The following RILPL1 variants were observed in gnomAD, a reference collection of about 807,000 sequenced individuals.
RILPL1 encodes the protein RILP-like protein 1.
Under a neutral mutation model 50.3 loss-of-function variants are expected in RILPL1, and 33 were observed. That is an observed-to-expected ratio of 0.66 (90% confidence interval 0.50 to 0.88). The LOEUF (loss-of-function observed/expected upper bound fraction) is 0.88. Ranked by LOEUF, RILPL1 falls within the 40% of genes least tolerant of loss-of-function variation. The pLI, the probability that RILPL1 is intolerant of heterozygous loss-of-function variation, is 0.00. For missense variants in RILPL1, 418 were observed against 542.5 expected (o/e 0.77, Z 2.28); for synonymous variants, 205 against 228.6 (o/e 0.90, Z 0.93).
chr12:123,478,296 T>G (rs1485936681), intron 6 of RILPL1, among the ~76,000 whole-genome samples: 1 of 152,044 alleles, frequency 6.6e-6, no homozygotes, highest in Non-Finnish European at 1.5e-5. Flanking sequence ...CCACCGCGCC[T>G]GGCCCTGTCT....
chr12:123,511,117 G>GTA (rs1884131899), intron 2 of RILPL1, among the ~76,000 whole-genome samples: 1 of 61,518 alleles, frequency 1.6e-5, no homozygotes. Flanking sequence ...TGTGTGTGTG[G>GTA]TGTGTGAGGT....
chr12:123,509,759 C>T (rs1019430408), intron 2 of RILPL1, among the ~76,000 whole-genome samples: 1 of 152,212 alleles, frequency 6.6e-6, no homozygotes, highest in Non-Finnish European at 1.5e-5. Flanking sequence ...GGGTCCAGCG[C>T]CCTGCTGCCC....
intron 2 of RILPL1, among the ~76,000 whole-genome samples, chr12:123,505,621 G>C (rs538818041): frequency 6.6e-6 from 1 of 151,918 alleles, no homozygotes; most frequent in East Asian, 1.9e-4. Context: ...CCCGGCCATC[G>C]AGTTTTTGTT....
At chr12:123,506,301 T>A (rs11497308) in intron 2 of RILPL1, among the ~76,000 whole-genome samples, 78,691 of 152,102 alleles carry the variant, frequency 0.52, 22,920 homozygotes, top group East Asian at 0.98. Flanking sequence ...GCAGAGGCCA[T>A]GGGGGTGATG....
chr12:123,507,580 A>C (rs1351327889), intron 2 of RILPL1, among the ~76,000 whole-genome samples: 1 of 147,970 alleles, frequency 6.8e-6, no homozygotes, highest in Non-Finnish European at 1.5e-5. Context: ...AAAAAAAAAG[A>C]TGTATGTGTG....
intron 1 of RILPL1, among the ~76,000 whole-genome samples, chr12:123,531,158 A>G (rs1291296205): frequency 1.3e-5 from 2 of 151,904 alleles, no homozygotes; most frequent in African/African-American, 4.8e-5. Context: ...CATCCCAAGA[A>G]TGTGAAGTAA....
chr12:123,509,700 A>G (rs553617030), intron 2 of RILPL1, among the ~76,000 whole-genome samples: 2 of 152,308 alleles, frequency 1.3e-5, no homozygotes, highest in East Asian at 3.9e-4. Context: ...AGCTCCCTAG[A>G]GAAGTCAGAC....
At chr12:123,482,831 G>T (rs901059305) in intron 6 of RILPL1, among the ~76,000 whole-genome samples, 1 of 151,990 alleles carries the variant, frequency 6.6e-6, no homozygotes, top group Non-Finnish European at 1.5e-5. Context: ...TTGAACTCCT[G>T]AGCTCAAGTG....
intron 4 of RILPL1, among the ~76,000 whole-genome samples, chr12:123,487,535 G>C (rs540464406): frequency 6.6e-6 from 1 of 152,204 alleles, no homozygotes; most frequent in South Asian, 2.1e-4. Context: ...TTGAACTCCC[G>C]TCCTCAGGTG....
chr12:123,485,039 T>G lies in RILPL1; in HGVS notation c.974+594A>C, dbSNP rs1052019332. On this transcript the variant is annotated intron_variant, in intron 5 of 6. Transcript: ENST00000376874. The surrounding 1 kb of genome is among the most constrained non-coding windows in gnomAD (Gnocchi z 4.0). ...TGGTATTATATTTTTTATGCATCTCTTATCTTCCCCACTGGAGCAGGGACC... is the reference window on the plus strand; with the variant it reads ...TGGTATTATATTTTTTATGCATCTCGTATCTTCCCCACTGGAGCAGGGACC... The G allele has an allele frequency of 4.7e-6, 2 of 427,504 alleles. No individual in the cohort carries two copies. The highest frequency in any genetic ancestry group is 4.1e-5 in the African/African-American group (2 of 48,794). 26.5% of individuals were successfully genotyped at this position (427,504 alleles called of 1,614,324 possible). A position where few individuals can be genotyped will look rare whatever the true frequency, so the allele number is the denominator to read the frequency against.
chr12:123,512,442 GGT>G (rs1226080372), intron 2 of RILPL1, among the ~76,000 whole-genome samples: 4 of 141,020 alleles, frequency 2.8e-5, no homozygotes, highest in Non-Finnish European at 6.2e-5. Flanking sequence ...CTGTGTGTGT[GGT>G]GTGTGAGGTC....
chr12:123,523,905 C>T (rs1885157703), intron 1 of RILPL1, among the ~76,000 whole-genome samples: 2 of 152,240 alleles, frequency 1.3e-5, no homozygotes, highest in African/African-American at 4.8e-5. Flanking sequence ...AACCACAAAG[C>T]TAATGCCGCA....
chr12:123,515,830 T>C (rs898553479), intron 2 of RILPL1, among the ~76,000 whole-genome samples: 8 of 147,910 alleles, frequency 5.4e-5, no homozygotes, highest in Admixed American at 2.7e-4. Context: ...AGGTCGGGAG[T>C]TCAAGACCAG....
chr12:123,521,349 G>A (rs1055056383), intron 2 of RILPL1, among the ~76,000 whole-genome samples: 2 of 151,784 alleles, frequency 1.3e-5, no homozygotes, highest in South Asian at 2.1e-4. Context: ...AACCTGGGCC[G>A]CCTGGCTCCA....
At chr12:123,523,965 C>T (rs1489236597) in intron 1 of RILPL1, among the ~76,000 whole-genome samples, 1 of 151,822 alleles carries the variant, frequency 6.6e-6, no homozygotes, top group African/African-American at 2.4e-5. Context: ...ATACGGGGGT[C>T]CGAACGTTCC....
At chr12:123,529,401 C>T in intron 1 of RILPL1, among the ~76,000 whole-genome samples, 1 of 152,172 alleles carries the variant, frequency 6.6e-6, no homozygotes, top group South Asian at 2.1e-4. Context: ...AAGCGATTCT[C>T]CTGCCTCTGC....
chr12:123,519,696 G>A (rs992804237), intron 2 of RILPL1: 1 of 152,260 alleles, frequency 6.6e-6, no homozygotes, highest in African/African-American at 2.4e-5. Context: ...CCTTCTCCTT[G>A]TTGTGTTCCC....
chr12:123,504,364 C>T (rs1053966495), intron 2 of RILPL1, among the ~76,000 whole-genome samples: 13 of 152,146 alleles, frequency 8.5e-5, no homozygotes, highest in Non-Finnish European at 1.8e-4. Flanking sequence ...TTGCCGCTGA[C>T]CTCCTCTCTC....
chr12:123,480,711 G>T (rs1429492523), intron 6 of RILPL1, among the ~76,000 whole-genome samples: 2 of 151,988 alleles, frequency 1.3e-5, no homozygotes, highest in African/African-American at 4.8e-5. Flanking sequence ...TTCCTACCAA[G>T]CACTGCATGA....
Sources: allele counts gnomAD v4.1 joint callset (sites outside exome capture counted in the v4.1 genomes callset), GRCh38; gene constraint gnomAD v4.1.1; non-coding constraint Gnocchi (gnomAD v3.1); transcripts MANE v1.5; gene names NCBI Gene and HGNC (gene_info 2026-07-23, HGNC 2026-07-21).